Variants in LTN1 observed in about 807,000 individuals in gnomAD.
LTN1 encodes the protein E3 ubiquitin-protein ligase listerin.
In LTN1, 88 loss-of-function variants were observed where a neutral mutation model predicts 201.2. The ratio of observed to expected loss-of-function variants is 0.44; its 90% CI spans 0.37 to 0.52. The LOEUF (loss-of-function observed/expected upper bound fraction) is 0.52, where lower values mean the gene tolerates loss of function less well. Among genes scored for constraint, LTN1 ranks in the 20% least tolerant of loss-of-function variants. LTN1 has a pLI of 0.00. For missense variants in LTN1, 1,752 were observed against 2,038.7 expected, an observed-to-expected ratio of 0.86 and a Z score of 2.71; for synonymous variants, 645 against 713.5, an observed-to-expected ratio of 0.90 and a Z score of 1.53.
chr21:28,953,431 A>G, intron 16 of LTN1, 55 bp from the exon 17 acceptor site: 2 of 1,311,326 alleles, frequency 1.5e-6, no homozygotes, highest in Non-Finnish European at 2.1e-6. Context: ...CAAACCCTTC[A>G]ATTACTTTCA....
At chr21:28,971,564 A>G (rs1054436868) in intron 6 of LTN1, 120 bp from the exon 7 acceptor site, 1 of 846,076 alleles carries the variant, frequency 1.2e-6, no homozygotes, top group East Asian at 2.7e-5. Context: ...AAATAGCTAG[A>G]AAAAATACTT....
intron 7 of LTN1, among the ~76,000 whole-genome samples, 160 bp from the exon 8 acceptor site, chr21:28,970,902 A>G (rs377478326): frequency 6.6e-6 from 1 of 152,214 alleles, no homozygotes; most frequent in East Asian, 1.9e-4. Flanking sequence ...TGAAATTATA[A>G]ATGTATTACA....
At chr21:28,943,443 ATG>A in intron 23 of LTN1, 107 bp from the exon 24 acceptor site, 1 of 736,010 alleles carries the variant, frequency 1.4e-6, no homozygotes, top group South Asian at 1.8e-5. Flanking sequence ...AAATGTTTTA[ATG>A]AGTTTTCTTT....
At chr21:28,962,057 G>C (rs1182163802) in intron 11 of LTN1, among the ~76,000 whole-genome samples, 2 of 152,072 alleles carry the variant, frequency 1.3e-5, no homozygotes, top group African/African-American at 4.8e-5. Context: ...AAAGTATTAA[G>C]GTTCCATAAA....
chr21:28,974,429 C>CA (rs1254559325), intron 6 of LTN1, among the ~76,000 whole-genome samples: 1 of 152,104 alleles, frequency 6.6e-6, no homozygotes, highest in Non-Finnish European at 1.5e-5. Context: ...AAAACACACA[C>CA]AAAAAACAAC....
At chr21:28,979,069 A>G (rs910276327) in intron 6 of LTN1, among the ~76,000 whole-genome samples, 2 of 152,080 alleles carry the variant, frequency 1.3e-5, no homozygotes, top group African/African-American at 4.8e-5. Context: ...TGCCTACTGA[A>G]GGCTAGAATA....
At chr21:28,969,405 A>C in intron 9 of LTN1, 61 bp downstream of exon 9, 2 of 1,413,058 alleles carry the variant, frequency 1.4e-6, no homozygotes, top group Non-Finnish European at 1.9e-6. Flanking sequence ...ACAAGACACA[A>C]TGAGCTTGAT....
intron 25 of LTN1, among the ~76,000 whole-genome samples, chr21:28,939,470 T>G (rs1322926656): frequency 6.6e-6 from 1 of 152,222 alleles, no homozygotes; most frequent in Non-Finnish European, 1.5e-5. Context: ...CAGTTCAATC[T>G]GATTTGCTAG....
In LTN1 at chr21:28,953,267, G is replaced by C. The variant is rs368974396; in HGVS notation, c.3189C>G (p.Asn1063Lys). 4 of 1,602,022 alleles carry C rather than the reference G, an allele frequency of 2.5e-6. No individual in the cohort carries two copies. The highest frequency in any genetic ancestry group is 1.3e-5 in the African/African-American group (1 of 74,124). ...ILQKMNITYD[N>K]LRVLGNTSGL... The stretch of plus-strand genomic sequence containing the variant: ...CCGACGTATTACCAAGTACACGTAA[G>C]TTATCATACGTAATATTCATTTTTT... The change falls in exon 17 of 30, where the codon AAC (asparagine) becomes AAG (lysine). Residue 1063 changes from asparagine (N) to lysine (K), a missense_variant. Asn to Lys is a moderately conservative substitution (Grantham distance 94). This residue lies in a region of LTN1 where 1,211 missense variants were observed against 1,312.8 expected (regional missense o/e 0.92). Coordinates refer to ENST00000361371, the MANE Select transcript of LTN1 (RefSeq NM_015565.3).
At chr21:28,967,319 C>A in intron 9 of LTN1, 140 bp from the exon 10 acceptor site, 1 of 655,612 alleles carries the variant, frequency 1.5e-6, no homozygotes, top group Non-Finnish European at 2.6e-6. Context: ...CTGGCAGCAC[C>A]TGTATAGCAG....
chr21:28,973,811 G>A (rs2084594602), intron 6 of LTN1, among the ~76,000 whole-genome samples: 1 of 152,142 alleles, frequency 6.6e-6, no homozygotes, highest in Non-Finnish European at 1.5e-5. Flanking sequence ...TCAAGTGCAT[G>A]GTATTGGGTG....
At position 28,958,382 on chromosome 21, in the gene LTN1, T is replaced by C; in HGVS notation, c.2747+4A>G. On this transcript the variant is annotated splice_donor_region_variant and intron_variant, in intron 14 of 29. Coordinates refer to ENST00000361371, the MANE Select transcript of LTN1 (RefSeq NM_015565.3). ...ACACTGAAACCAAGCTCAAAAAAGGTTACCTGTTGATATCCAAAGATGAAG... is the reference window on the plus strand; with the variant it reads ...ACACTGAAACCAAGCTCAAAAAAGGCTACCTGTTGATATCCAAAGATGAAG... The C allele has an allele frequency of 1.3e-6, 2 of 1,594,800 alleles. No individual in the cohort carries two copies. Among genetic ancestry groups the C allele is most frequent in the Non-Finnish European group, 1.7e-6 (2 of 1,175,102 alleles).
chr21:28,960,775 T>A (rs1465682039), intron 11 of LTN1, 69 bp from the exon 12 acceptor site: 2 of 1,046,086 alleles, frequency 1.9e-6, no homozygotes, highest in Non-Finnish European at 2.9e-6. Context: ...AAATATTACT[T>A]GTACCATATT....
chr21:28,952,787 T>C (rs1010511161), intron 17 of LTN1, among the ~76,000 whole-genome samples: 12 of 152,196 alleles, frequency 7.9e-5, no homozygotes, highest in Admixed American at 6.5e-4. Context: ...AAGCTAAACA[T>C]CTTACTACTA....
At chr21:28,982,222 AAAAAC>A (rs897039859) in intron 5 of LTN1, 89 bp downstream of exon 5, 17 of 1,167,686 alleles carry the variant, frequency 1.5e-5, no homozygotes, top group East Asian at 2.4e-5. Context: ...GTCTCAAAAA[AAAAAC>A]AAAAACAAAA....
In LTN1 at chr21:28,957,372, T is replaced by C. The variant is rs748729153; in HGVS notation, c.2852A>G (p.Asp951Gly). 1.0e-5 allele frequency: 16 copies of C among 1,606,414 alleles called. No homozygotes were observed. In the South Asian group the frequency reaches 1.8e-4, roughly 18 times the overall value. ...GVYIGSVMPN[D>G]SEWEKMRQSL... Reference sequence around the variant, plus strand: ...CTGCCTCATCTTTTCCCATTCACTGTCGTTCGGCATTACACTTCCAATATA... The same window carrying C: ...CTGCCTCATCTTTTCCCATTCACTGCCGTTCGGCATTACACTTCCAATATA... The change falls in exon 15 of 30, where the codon GAC becomes GGC. Residue 951 changes from aspartate to glycine, a missense_variant. Around this residue, in one of 3 missense-constraint regions of LTN1, gnomAD observed 1,211 missense variants for 1,312.8 expected, o/e 0.92. Coordinates refer to ENST00000361371, the MANE Select transcript of LTN1 (RefSeq NM_015565.3).
At chr21:28,935,916 A>C (rs1459033675) in intron 26 of LTN1, among the ~76,000 whole-genome samples, 1 of 152,150 alleles carries the variant, frequency 6.6e-6, no homozygotes, top group Non-Finnish European at 1.5e-5. Context: ...TGTATTTAAC[A>C]TGAAGACCAC....
intron 23 of LTN1, 57 bp downstream of exon 23, chr21:28,943,610 C>A: frequency 1.6e-6 from 2 of 1,265,036 alleles, no homozygotes; most frequent in South Asian, 1.3e-5. Flanking sequence ...AAAAACTAAG[C>A]ATATATTCTA....
At chr21:28,955,235 A>G (rs1456364645) in intron 16 of LTN1, among the ~76,000 whole-genome samples, 1 of 152,148 alleles carries the variant, frequency 6.6e-6, no homozygotes, top group Non-Finnish European at 1.5e-5. Flanking sequence ...TGGGAGGCTG[A>G]GGCAAGAGGA....
Sources: gnomAD v4.1 joint callset for allele counts (sites outside exome capture counted in the v4.1 genomes callset) on GRCh38, gnomAD v4.1.1 for gene constraint, gnomAD v4.1.1 regional missense constraint, MANE v1.5 for transcripts, NCBI Gene and HGNC (gene_info 2026-07-23, HGNC 2026-07-21) for gene names.